The following PDE4D variants were observed in gnomAD, a reference collection of about 807,000 sequenced individuals.
The protein encoded by PDE4D is phosphodiesterase 4D, also known as 3',5'-cyclic-AMP phosphodiesterase 4D.
Under a neutral mutation model 87.4 loss-of-function variants are expected in PDE4D, and 24 were observed. The observed-to-expected ratio is 0.27, with a 90% CI of 0.20 to 0.39. The LOEUF is 0.39. Ranked by LOEUF, PDE4D falls within the 10% of genes least tolerant of loss-of-function variation. The pLI, the probability that PDE4D is intolerant of heterozygous loss-of-function variation, is 1.00. For missense variants in PDE4D, 714 were observed against 1,041.0 expected (o/e 0.69, Z 4.32); for synonymous variants, 384 against 383.2 (o/e 1.00, Z -0.02).
chr5:59,959,473 A>G (rs1454252069), intron 3 of PDE4D, among the ~76,000 whole-genome samples: 1 of 152,212 alleles, frequency 6.6e-6, no homozygotes, highest in Non-Finnish European at 1.5e-5. Context: ...CTGCAAAACT[A>G]CAGTAACCAA....
At chr5:60,263,477 T>C (rs1749862547) in intron 1 of PDE4D, among the ~76,000 whole-genome samples, 1 of 152,136 alleles carries the variant, frequency 6.6e-6, no homozygotes, top group Non-Finnish European at 1.5e-5. Flanking sequence ...CTAGAATCAT[T>C]GTCTCCAGTA....
intron 3 of PDE4D, among the ~76,000 whole-genome samples, chr5:59,908,748 A>G (rs527572900): frequency 6.6e-6 from 1 of 152,318 alleles, no homozygotes; most frequent in African/African-American, 2.4e-5. Context: ...AATGTGGAAG[A>G]TTTAGATAAT....
chr5:60,517,267 T>C (rs1750842952), intron 1 of PDE4D, among the ~76,000 whole-genome samples: 1 of 152,226 alleles, frequency 6.6e-6, no homozygotes, highest in Non-Finnish European at 1.5e-5. Flanking sequence ...CAGTATGGGC[T>C]GCAGGTGCCC....
At chr5:60,092,883 T>C (rs907388097) in intron 2 of PDE4D, among the ~76,000 whole-genome samples, 7 of 152,076 alleles carry the variant, frequency 4.6e-5, no homozygotes, top group African/African-American at 1.7e-4. Flanking sequence ...AACAACTAAG[T>C]CATAGGGGAA....
At chr5:60,135,694 A>G (rs1196050757) in intron 2 of PDE4D, among the ~76,000 whole-genome samples, 5 of 152,042 alleles carry the variant, frequency 3.3e-5, no homozygotes, top group Non-Finnish European at 5.9e-5. Context: ...TGAAGAGAGG[A>G]CCATAGTGCT....
chr5:59,851,240 G>A (rs1294428625), intron 1 of PDE4D, among the ~76,000 whole-genome samples: 3 of 152,016 alleles, frequency 2.0e-5, no homozygotes, highest in Admixed American at 6.6e-5. Context: ...CCCCAGTCAA[G>A]CCTTTATATT....
At chr5:59,756,704 T>C (rs1477896846) in intron 1 of PDE4D, among the ~76,000 whole-genome samples, 1 of 152,130 alleles carries the variant, frequency 6.6e-6, no homozygotes, top group African/African-American at 2.4e-5. Flanking sequence ...ACAGAAGGTA[T>C]GTTTCTCAAT....
At chr5:59,973,486 A>T (rs1243299156) in intron 3 of PDE4D, among the ~76,000 whole-genome samples, 2 of 98,504 alleles carry the variant, frequency 2.0e-5, no homozygotes, top group Non-Finnish European at 4.0e-5. Context: ...ATCCATAAGT[A>T]TACATTTTCA....
intron 1 of PDE4D, among the ~76,000 whole-genome samples, chr5:60,472,337 GC>G (rs1478889015): frequency 6.6e-6 from 1 of 152,088 alleles, no homozygotes; most frequent in African/African-American, 2.4e-5. Context: ...AAGCAGCAAA[GC>G]CTGATTCCAA....
At chr5:59,474,245 AT>A (rs1802925767) in intron 1 of PDE4D, among the ~76,000 whole-genome samples, 3 of 152,130 alleles carry the variant, frequency 2.0e-5, no homozygotes. Flanking sequence ...CTGTGTACTT[AT>A]TTTAAGTTCA....
intron 3 of PDE4D, among the ~76,000 whole-genome samples, chr5:59,979,331 T>C (rs1239921571): frequency 1.4e-5 from 2 of 147,882 alleles, no homozygotes; most frequent in East Asian, 2.0e-4. Context: ...CTTTATATTC[T>C]AAATATTATT....
chr5:60,009,386 GATTC>G (rs1305291475), intron 2 of PDE4D, among the ~76,000 whole-genome samples: 1 of 151,888 alleles, frequency 6.6e-6, no homozygotes, highest in Non-Finnish European at 1.5e-5. Flanking sequence ...TCAATTGATT[GATTC>G]ATTCATTCAA....
At chr5:59,754,693 C>T (rs1760957620) in intron 1 of PDE4D, among the ~76,000 whole-genome samples, 1 of 150,760 alleles carries the variant, frequency 6.6e-6, no homozygotes, top group Admixed American at 6.6e-5. Context: ...ACTTAGCTCT[C>T]ATTTATTTGC....
chr5:59,978,641 C>T (rs566661321), intron 3 of PDE4D, among the ~76,000 whole-genome samples: 2 of 152,286 alleles, frequency 1.3e-5, no homozygotes, highest in African/African-American at 4.8e-5. Context: ...AAACCAGCAG[C>T]AGCGTTTAAG....
chr5:60,232,572 C>A (rs1313263509), intron 1 of PDE4D, among the ~76,000 whole-genome samples: 2 of 151,728 alleles, frequency 1.3e-5, no homozygotes, highest in African/African-American at 4.8e-5. Flanking sequence ...AACTACTGTC[C>A]CACACTGCAA....
chr5:59,627,135 T>C (rs1266285597), intron 1 of PDE4D, among the ~76,000 whole-genome samples: 3 of 152,214 alleles, frequency 2.0e-5, no homozygotes, highest in African/African-American at 4.8e-5. Context: ...ACTTAGAGTC[T>C]AGTCCTTCCA....
chr5:59,319,300 G>T (rs1227109542), intron 1 of PDE4D, among the ~76,000 whole-genome samples: 1 of 151,848 alleles, frequency 6.6e-6, no homozygotes, highest in Non-Finnish European at 1.5e-5. Context: ...CTGAATATTT[G>T]AATTCTAATT....
At chr5:59,183,689 G>C (rs1377110340) in intron 4 of PDE4D, among the ~76,000 whole-genome samples, 1 of 152,092 alleles carries the variant, frequency 6.6e-6, no homozygotes, top group Non-Finnish European at 1.5e-5. Context: ...AAGCCCAAGG[G>C]GGCCGCTGAG....
At chr5:58,976,258 G>A in intron 13 of PDE4D, 92 bp downstream of exon 13, 1 of 1,333,570 alleles carries the variant, frequency 7.5e-7, no homozygotes, top group Non-Finnish European at 1.0e-6. Flanking sequence ...GGTGGGAGAA[G>A]GAAGAAATAC....
Sources: gnomAD v4.1 joint callset for allele counts (sites outside exome capture counted in the v4.1 genomes callset) on GRCh38, gnomAD v4.1.1 for gene constraint, MANE v1.5 for transcripts, NCBI Gene and HGNC (gene_info 2026-07-23, HGNC 2026-07-21) for gene names.